The following METTL9 variants were observed in gnomAD, a reference collection of about 807,000 sequenced individuals.
METTL9 encodes protein-L-histidine N-pros-methyltransferase.
In METTL9, 10 loss-of-function variants were observed where a neutral mutation model predicts 36.0. That is an observed-to-expected ratio of 0.28 (90% CI 0.17 to 0.47). The LOEUF (loss-of-function observed/expected upper bound fraction) is 0.47, where lower values mean the gene tolerates loss of function less well. Among genes scored for constraint, METTL9 ranks in the 20% least tolerant of loss-of-function variants. METTL9 has a pLI of 0.99. For synonymous variants in METTL9, 175 were observed against 149.7 expected (o/e 1.17, Z -1.23); for missense variants, 246 against 383.5 (o/e 0.64, Z 3.00).
chr16:21,625,236 T>C (rs933537713), intron 4 of METTL9, 121 bp downstream of exon 4: 3 of 1,033,056 alleles, frequency 2.9e-6, no homozygotes, highest in Non-Finnish European at 4.4e-6. Flanking sequence ...CAGTTTAAAG[T>C]AATCCAGTTA....
chr16:21,598,320 G>C (rs1481153774), upstream of METTL9, among the ~76,000 whole-genome samples: 2 of 145,574 alleles, frequency 1.4e-5, no homozygotes, highest in Non-Finnish European at 3.0e-5. Flanking sequence ...CTGCACTCCA[G>C]CCTGGAGACA....
In METTL9 at chr16:21,655,472, G is replaced by A. The variant is rs754436740; in HGVS notation, c.*40G>A. On this transcript the variant is annotated 3_prime_UTR_variant, in exon 5 of 5. Transcript: ENST00000358154. ...AAGTCTTCAGAGTCCGCACCCTCCG[G>A]GATGTGCCCTTGGAAGAGGGTCTGT... is the stretch of plus-strand genomic sequence containing the variant. 1.3e-6 allele frequency: 2 copies of A among 1,547,400 alleles called. No individual in the cohort carries two copies. Among genetic ancestry groups the A allele is most frequent in the Non-Finnish European group, 8.9e-7 (1 of 1,128,148 alleles).
rs933087051 is a variant in METTL9, at chr16:21,657,292, T to C, written c.*1860T>C. The C allele has an allele frequency of 2.6e-5, 4 of 152,168 alleles. No homozygotes were observed. 9.4% of individuals were successfully genotyped at this position (152,168 alleles called of 1,614,324 possible). A position where few individuals can be genotyped will look rare whatever the true frequency, so the allele number is the denominator to read the frequency against. ...AACCAGCTTATTAAAAGTGCTGTTT[T>C]GTGGTGAAAATTGAAACCAAATCCA... On this transcript the variant is annotated 3_prime_UTR_variant, in exon 5 of 5. Transcript: ENST00000358154.
intron 4 of METTL9, among the ~76,000 whole-genome samples, chr16:21,645,638 T>G (rs1319745397): frequency 6.6e-6 from 1 of 152,208 alleles, no homozygotes; most frequent in Non-Finnish European, 1.5e-5. Flanking sequence ...GCCTTAACAC[T>G]TTCAATTCTG....
intron 4 of METTL9, among the ~76,000 whole-genome samples, chr16:21,647,702 T>C (rs1232490160): frequency 6.6e-6 from 1 of 152,128 alleles, no homozygotes; most frequent in Non-Finnish European, 1.5e-5. Flanking sequence ...ATGATGTCTG[T>C]TCACTGGAGG....
At chr16:21,629,518 C>T (rs1330866218) in intron 4 of METTL9, among the ~76,000 whole-genome samples, 2 of 152,086 alleles carry the variant, frequency 1.3e-5, no homozygotes, top group African/African-American at 2.4e-5. Context: ...AGCTACAAAC[C>T]TTTGCGGTGA....
intron 3 of METTL9, among the ~76,000 whole-genome samples, chr16:21,623,891 C>CT (rs950643882): frequency 1.3e-4 from 20 of 152,034 alleles, no homozygotes; most frequent in African/African-American, 4.6e-4. Flanking sequence ...CTACCTCAGC[C>CT]TCCCGGGTAG....
At chr16:21,647,892 G>C (rs1056283502) in intron 4 of METTL9, among the ~76,000 whole-genome samples, 1 of 152,282 alleles carries the variant, frequency 6.6e-6, no homozygotes, top group East Asian at 1.9e-4. Context: ...GGCCTCCCCA[G>C]AGTGCTGTGT....
intron 2 of METTL9, among the ~76,000 whole-genome samples, chr16:21,616,057 A>G (rs541441176): frequency 1.6e-4 from 25 of 152,316 alleles, no homozygotes; most frequent in African/African-American, 6.0e-4. Flanking sequence ...GGACTTTGTT[A>G]CATGAACTCC....
At chr16:21,609,013 A>G (rs1965359595) in intron 1 of METTL9, among the ~76,000 whole-genome samples, 1 of 152,182 alleles carries the variant, frequency 6.6e-6, no homozygotes, top group Non-Finnish European at 1.5e-5. Context: ...CCATTTATTC[A>G]GAAATTGCAA....
At chr16:21,626,162 C>T (rs1965809941) in intron 4 of METTL9, among the ~76,000 whole-genome samples, 1 of 152,124 alleles carries the variant, frequency 6.6e-6, no homozygotes, top group Non-Finnish European at 1.5e-5. Flanking sequence ...TCTCTGCCTC[C>T]CAAAATGCTG....
chr16:21,651,801 ATTC>A (rs1238934207), intron 4 of METTL9: 2 of 152,198 alleles, frequency 1.3e-5, no homozygotes, highest in South Asian at 4.1e-4. Flanking sequence ...AAAGACAGGA[ATTC>A]TTCTTTAAAA....
At chr16:21,648,198 T>C (rs977200717) in intron 4 of METTL9, among the ~76,000 whole-genome samples, 5 of 152,184 alleles carry the variant, frequency 3.3e-5, no homozygotes, top group African/African-American at 1.2e-4. Flanking sequence ...GTGTGCTGCT[T>C]TGTAGGCCCT....
chr16:21,625,253 G>GTAAAACA lies in METTL9; in HGVS notation c.751+139_751+145dup, dbSNP rs1460385692. Reference sequence around the variant, plus strand: ...GTTTAAAGTAATCCAGTTAATCCATGTAAAACACCATCTTGGTTAATGTTC... The same window carrying GTAAAACA: ...GTTTAAAGTAATCCAGTTAATCCATGTAAAACATAAAACACCATCTTGGTTAATGTTC... On this transcript the variant is annotated intron_variant, in intron 4 of 4. Transcript: ENST00000358154. The GTAAAACA allele has an allele frequency of 3.3e-6, 3 of 917,030 alleles. No individual in the cohort carries two copies. The East Asian group carries it at 7.8e-5, about 24-fold the overall frequency. 56.8% of individuals were successfully genotyped at this position (917,030 alleles called of 1,614,324 possible). A position where few individuals can be genotyped will look rare whatever the true frequency, so the allele number is the denominator to read the frequency against.
chr16:21,649,334 G>A (rs539357811), intron 4 of METTL9, among the ~76,000 whole-genome samples: 1 of 152,266 alleles, frequency 6.6e-6, no homozygotes, highest in African/African-American at 2.4e-5. Context: ...TGCAACATGA[G>A]ATGAGCTGGG....
At chr16:21,644,517 A>G (rs943353317) in intron 4 of METTL9, 49 of 652,188 alleles carry the variant, frequency 7.5e-5, no homozygotes, top group African/African-American at 6.2e-4. Flanking sequence ...CTGCTTGCCT[A>G]TTCGTATAAA....
chr16:21,599,257 C>T (rs1261243321), upstream of METTL9, among the ~76,000 whole-genome samples: 1 of 152,288 alleles, frequency 6.6e-6, no homozygotes, highest in East Asian at 1.9e-4. This position sits in a 1 kb window ranked among gnomAD's most constrained non-coding sequence, Gnocchi z 4.4. Flanking sequence ...GGAGGTCCTT[C>T]CAGCACCACC....
intron 4 of METTL9, chr16:21,643,523 A>AG: frequency 6.8e-7 from 1 of 1,468,002 alleles, no homozygotes. Flanking sequence ...AATTTAAAAA[A>AG]TATTTTTCAA....
intron 4 of METTL9, among the ~76,000 whole-genome samples, chr16:21,647,697 G>A (rs1202648451): frequency 1.3e-5 from 2 of 152,120 alleles, no homozygotes; most frequent in African/African-American, 4.8e-5. Context: ...GTCACATGAT[G>A]TCTGTTCACT....
Sources: allele counts gnomAD v4.1 joint callset (sites outside exome capture counted in the v4.1 genomes callset), GRCh38; gene constraint gnomAD v4.1.1; non-coding constraint Gnocchi (gnomAD v3.1); transcripts MANE v1.5; gene names NCBI Gene and HGNC (gene_info 2026-07-23, HGNC 2026-07-21).